The following IPPK variants were observed in gnomAD, a reference collection of about 807,000 sequenced individuals.
IPPK encodes inositol-pentakisphosphate 2-kinase.
IPPK carries 22 observed loss-of-function variants against 64.6 expected under a neutral mutation model. The ratio of observed to expected loss-of-function variants is 0.34; its 90% CI spans 0.24 to 0.49. IPPK has a LOEUF of 0.49. Ranked by LOEUF, IPPK falls within the 20% of genes least tolerant of loss-of-function variation. IPPK has a pLI of 0.99. For missense variants in IPPK, 532 were observed against 630.7 expected (o/e 0.84, Z 1.68); for synonymous variants, 262 against 247.2 (o/e 1.06, Z -0.56).
chr9:92,660,493 C>T (rs1424339139), intron 1 of IPPK, among the ~76,000 whole-genome samples: 1 of 152,218 alleles, frequency 6.6e-6, no homozygotes, highest in African/African-American at 2.4e-5. Context: ...AAAGCAAGGC[C>T]TGTCTCGGTT....
chr9:92,642,058 T>C (rs1340458198), intron 7 of IPPK, among the ~76,000 whole-genome samples: 1 of 152,198 alleles, frequency 6.6e-6, no homozygotes, highest in Non-Finnish European at 1.5e-5. Flanking sequence ...TCCCAGGTCC[T>C]GCCTCTCTCC....
rs1851336445 is a variant in IPPK at position 92,613,528 on chromosome 9, T to G, written c.*2304A>C. 4.4e-6 allele frequency: 1 copy of G among 226,746 alleles called. No homozygotes were observed. Among genetic ancestry groups the G allele is most frequent in the African/African-American group, 2.3e-5 (1 of 43,970 alleles). 14.0% of individuals were successfully genotyped at this position (226,746 alleles called of 1,614,324 possible). A position where few individuals can be genotyped will look rare whatever the true frequency, so the allele number is the denominator to read the frequency against. ...TGGGAGAAGCCACCCTTATCCTGGT[T>G]CCTGCCTCCTGGGGGCTCTGGAGAC... On this transcript the variant is annotated 3_prime_UTR_variant, in exon 13 of 13. Transcript: ENST00000287996.
At chr9:92,619,254 G>A (rs1475438701) in intron 12 of IPPK, 10 of 511,922 alleles carry the variant, frequency 2.0e-5, no homozygotes, top group South Asian at 8.1e-5. Context: ...AACTTTCAAT[G>A]TACTAACAAT....
At chr9:92,655,575 T>C (rs1383780229) in intron 3 of IPPK, among the ~76,000 whole-genome samples, 1 of 152,080 alleles carries the variant, frequency 6.6e-6, no homozygotes, top group African/African-American at 2.4e-5. Context: ...CCCCACCAGG[T>C]TGCCAATGGG....
intron 3 of IPPK, among the ~76,000 whole-genome samples, chr9:92,653,186 T>C (rs934389538): frequency 6.6e-6 from 1 of 152,254 alleles, no homozygotes; most frequent in African/African-American, 2.4e-5. Flanking sequence ...ACATGGCTCT[T>C]CTGTGCAGTT....
chr9:92,617,764 A>G (rs1434812584), intron 12 of IPPK: 1 of 171,608 alleles, frequency 5.8e-6, no homozygotes, highest in Non-Finnish European at 1.3e-5. Context: ...GGAGGTCGAG[A>G]GGAGCATCAG....
intron 12 of IPPK, 46 bp from the exon 13 acceptor site, chr9:92,616,103 A>G (rs1406763068): frequency 2.2e-6 from 3 of 1,340,944 alleles, no homozygotes; most frequent in Non-Finnish European, 3.2e-6. Flanking sequence ...CCCCCCATTC[A>G]TTTCCCTCCC....
chr9:92,631,380 G>C (rs927501448), intron 11 of IPPK, among the ~76,000 whole-genome samples: 1 of 152,022 alleles, frequency 6.6e-6, no homozygotes, highest in African/African-American at 2.4e-5. Context: ...ATTTTTAGTA[G>C]AGACAGAGTT....
intron 3 of IPPK, 142 bp from the exon 4 acceptor site, chr9:92,652,781 T>TA (rs201025119): frequency 6.4e-4 from 279 of 435,130 alleles, no homozygotes; most frequent in Middle Eastern, 1.8e-3. Flanking sequence ...GTTTATTGCT[T>TA]AAAAAAAAAT....
rs1272024544 is a variant in IPPK at position 92,648,156 on chromosome 9, A to G, written c.415-8T>C. 6.2e-7 allele frequency: 1 copy of G among 1,603,336 alleles called. No individual in the cohort carries two copies. Among genetic ancestry groups the G allele is most frequent in the Non-Finnish European group, 8.5e-7 (1 of 1,171,760 alleles). On this transcript the variant is annotated splice_polypyrimidine_tract_variant and splice_region_variant and intron_variant, in intron 5 of 12. Transcript: ENST00000287996. ...AATAAACCCACATTTTGGCTGTAAA[A>G]TAAACAAATAAGGAGGAAAAATATT... is the stretch of plus-strand genomic sequence containing the variant.
chr9:92,618,433 G>T (rs1377058075), intron 12 of IPPK: 1 of 456,692 alleles, frequency 2.2e-6, no homozygotes, highest in Admixed American at 2.3e-5. Flanking sequence ...GCTAGACGAG[G>T]TGAGTAACAT....
chr9:92,619,576 G>T lies in IPPK; in HGVS notation c.1171-11C>A. ...GCGGTACTGCTGCACCTGCAGGGGC[G>T]GGAAAGATCAGCTCCAGGTCACACA... On this transcript the variant is annotated splice_polypyrimidine_tract_variant and intron_variant, in intron 11 of 12. Coordinates refer to ENST00000287996, the MANE Select transcript of IPPK (RefSeq NM_022755.6). 6.4e-7 allele frequency: 1 copy of T among 1,569,780 alleles called. No homozygotes were observed. Among genetic ancestry groups the T allele is most frequent in the East Asian group, 2.3e-5 (1 of 43,168 alleles).
chr9:92,665,545 T>C (rs1852577465), intron 1 of IPPK, among the ~76,000 whole-genome samples: 1 of 63,222 alleles, frequency 1.6e-5, no homozygotes, highest in African/African-American at 2.1e-4. Flanking sequence ...TTTTCCTGAG[T>C]ATCATACATA....
At chr9:92,618,952 C>A (rs997704943) in intron 12 of IPPK, 4 of 271,676 alleles carry the variant, frequency 1.5e-5, no homozygotes, top group Non-Finnish European at 2.9e-5. Context: ...AGTTTCATCC[C>A]GAATTCCCAG....
At chr9:92,650,409 T>G (rs1852242433) in intron 4 of IPPK, among the ~76,000 whole-genome samples, 1 of 151,918 alleles carries the variant, frequency 6.6e-6, no homozygotes. Flanking sequence ...CGGCTCAAAC[T>G]CTGGAGAGGC....
At chr9:92,637,559 C>T (rs1300794053) in intron 9 of IPPK, among the ~76,000 whole-genome samples, 1 of 151,908 alleles carries the variant, frequency 6.6e-6, no homozygotes, top group African/African-American at 2.4e-5. Flanking sequence ...GGGTCTGTGT[C>T]TTCACCCCAG....
At chr9:92,632,449 A>G (rs758775158) in intron 11 of IPPK, among the ~76,000 whole-genome samples, 1 of 152,224 alleles carries the variant, frequency 6.6e-6, no homozygotes, top group African/African-American at 2.4e-5. Flanking sequence ...CACTACATTT[A>G]CATATCAGGT....
chr9:92,669,854 G>A, intron 1 of IPPK, 54 bp downstream of exon 1: 2 of 1,328,364 alleles, frequency 1.5e-6, no homozygotes, highest in Non-Finnish European at 2.1e-6. Flanking sequence ...GGGGCGGGGT[G>A]ATACCGGCCG....
intron 9 of IPPK, 147 bp downstream of exon 9, chr9:92,637,854 G>T: frequency 2.6e-6 from 2 of 767,100 alleles, no homozygotes; most frequent in Non-Finnish European, 4.0e-6. Flanking sequence ...AGGCAGCGAG[G>T]CCCCGTGCTG....
Sources: allele counts gnomAD v4.1 joint callset (sites outside exome capture counted in the v4.1 genomes callset), GRCh38; gene constraint gnomAD v4.1.1; transcripts MANE v1.5; gene names NCBI Gene and HGNC (gene_info 2026-07-23, HGNC 2026-07-21).